Variants in HLCS observed in about 807,000 individuals in gnomAD.
The protein encoded by HLCS is biotin--protein ligase.
In HLCS, 53 loss-of-function variants were observed where a neutral mutation model predicts 75.0. The observed-to-expected ratio is 0.71, with a 90% CI of 0.57 to 0.89. The LOEUF (loss-of-function observed/expected upper bound fraction) is 0.89, where lower values mean the gene tolerates loss of function less well. Ranked by LOEUF, HLCS falls within the 40% of genes least tolerant of loss-of-function variation. The pLI, the probability that HLCS is intolerant of heterozygous loss-of-function variation, is 0.00. For missense variants in HLCS, 966 were observed against 1,074.0 expected (o/e 0.90, Z 1.41); for synonymous variants, 431 against 428.6 (o/e 1.01, Z -0.07).
intron 2 of HLCS, among the ~76,000 whole-genome samples, chr21:36,945,332 C>T (rs1330824307): frequency 6.6e-6 from 1 of 151,770 alleles, no homozygotes; most frequent in Non-Finnish European, 1.5e-5. Flanking sequence ...AAAAAATATG[C>T]CCACATATAA....
chr21:36,917,355 C>T (rs1311784117), intron 5 of HLCS, among the ~76,000 whole-genome samples: 1 of 152,176 alleles, frequency 6.6e-6, no homozygotes, highest in African/African-American at 2.4e-5. Flanking sequence ...AAGAACACCT[C>T]CCTGAAAAAC....
At chr21:36,856,855 A>G (rs931523059) in intron 6 of HLCS, among the ~76,000 whole-genome samples, 9 of 152,248 alleles carry the variant, frequency 5.9e-5, no homozygotes, top group African/African-American at 2.2e-4. Context: ...AAAGGAACTA[A>G]GATTTACTAG....
chr21:36,953,283 A>C (rs2067758760), intron 2 of HLCS, among the ~76,000 whole-genome samples: 2 of 152,182 alleles, frequency 1.3e-5, no homozygotes, highest in Admixed American at 1.3e-4. Flanking sequence ...TTAAAGAGGA[A>C]ACTGGTTGTC....
chr21:36,923,575 A>T (rs547076050), intron 5 of HLCS, among the ~76,000 whole-genome samples: 2 of 152,260 alleles, frequency 1.3e-5, no homozygotes, highest in African/African-American at 4.8e-5. Flanking sequence ...AAAACAACAA[A>T]AGCGTTTGTG....
chr21:36,983,298 C>A (rs146577310), intron 1 of HLCS, among the ~76,000 whole-genome samples: 218 of 151,948 alleles, frequency 1.4e-3, no homozygotes, highest in African/African-American at 5.1e-3. Context: ...GCAACCCCCG[C>A]CTCCTGGGTT....
chr21:36,770,994 C>T (rs1286375368), intron 6 of HLCS, among the ~76,000 whole-genome samples: 1 of 151,932 alleles, frequency 6.6e-6, no homozygotes. Flanking sequence ...CCGAGGCAGG[C>T]GGATCACGAG....
At chr21:36,771,241 AATAAATAT>A (rs1209300765) in intron 6 of HLCS, among the ~76,000 whole-genome samples, 1 of 151,802 alleles carries the variant, frequency 6.6e-6, no homozygotes, top group Non-Finnish European at 1.5e-5. Context: ...TAAATAAATA[AATAAATAT>A]AAAATAAAAT....
At chr21:36,989,573 C>T (rs1009704236) in intron 1 of HLCS, among the ~76,000 whole-genome samples, 1 of 152,152 alleles carries the variant, frequency 6.6e-6, no homozygotes, top group Non-Finnish European at 1.5e-5. Flanking sequence ...AAGTGATCTG[C>T]CTGCCTCGGC....
intron 5 of HLCS, among the ~76,000 whole-genome samples, chr21:36,927,147 C>T (rs577537296): frequency 3.9e-5 from 6 of 152,184 alleles, no homozygotes; most frequent in Non-Finnish European, 7.3e-5. Flanking sequence ...AATTTCAATC[C>T]TGCTCCTGGG....
chr21:36,960,137 C>G (rs1260239031), intron 2 of HLCS, among the ~76,000 whole-genome samples: 3 of 112,564 alleles, frequency 2.7e-5, no homozygotes, highest in African/African-American at 6.8e-5. Context: ...ACCCACCCCC[C>G]CCCCCCCCGA....
At position 36,918,303 on chromosome 21, in the gene HLCS, G is replaced by T. The variant is rs186679118; in HGVS notation, c.1620+11948C>A. On this transcript the variant is annotated intron_variant, in intron 5 of 10. Transcript: ENST00000674895. ...AAATTAAATATTCAGGATTGTAGGT[G>T]AGGCCTGATTTCTAGTGCCACAGAT... is the stretch of plus-strand genomic sequence containing the variant. Among the ~76,000 whole-genome samples, 204 of 152,324 alleles carry T rather than the reference G, an allele frequency of 1.3e-3. 1 individual carries two copies. Among genetic ancestry groups the T allele is most frequent in the Non-Finnish European group, 2.4e-3 (160 of 68,026 alleles).
chr21:36,907,122 T>G (rs1249487648), intron 5 of HLCS, among the ~76,000 whole-genome samples: 1 of 152,186 alleles, frequency 6.6e-6, no homozygotes, highest in East Asian at 1.9e-4. Context: ...AACATTCATA[T>G]GCAAGAATAT....
intron 6 of HLCS, among the ~76,000 whole-genome samples, chr21:36,768,388 C>A (rs2090118060): frequency 6.6e-6 from 1 of 152,220 alleles, no homozygotes; most frequent in South Asian, 2.1e-4. Flanking sequence ...TTATCATCCT[C>A]CCCTCCCAGC....
At chr21:36,826,070 C>T (rs1395234362) in intron 6 of HLCS, among the ~76,000 whole-genome samples, 3 of 152,058 alleles carry the variant, frequency 2.0e-5, no homozygotes, top group African/African-American at 4.8e-5. Flanking sequence ...ATCCCACCAA[C>T]TTCACTCTGT....
intron 5 of HLCS, among the ~76,000 whole-genome samples, chr21:36,910,827 G>T (rs909850401): frequency 9.9e-5 from 15 of 152,146 alleles, no homozygotes; most frequent in Non-Finnish European, 2.1e-4. Flanking sequence ...GTTCCACGCT[G>T]CACGGCACTG....
At chr21:36,987,455 A>C (rs2146752028) in intron 1 of HLCS, among the ~76,000 whole-genome samples, 1 of 152,218 alleles carries the variant, frequency 6.6e-6, no homozygotes, top group African/African-American at 2.4e-5. Context: ...TCTACTAAAA[A>C]TACAAAAATT....
chr21:36,761,620 C>T (rs531842525), intron 8 of HLCS, among the ~76,000 whole-genome samples: 7 of 152,174 alleles, frequency 4.6e-5, no homozygotes, highest in South Asian at 2.1e-4. Flanking sequence ...GAGTAGAGGC[C>T]GCAATGCTGA....
intron 1 of HLCS, among the ~76,000 whole-genome samples, chr21:36,982,385 C>T (rs1234860102): frequency 6.6e-6 from 1 of 152,210 alleles, no homozygotes; most frequent in Non-Finnish European, 1.5e-5. Context: ...GGCATACGTC[C>T]AGCAAGCTAA....
chr21:36,912,650 A>C (rs551001534), intron 5 of HLCS, among the ~76,000 whole-genome samples: 1 of 152,276 alleles, frequency 6.6e-6, no homozygotes, highest in Non-Finnish European at 1.5e-5. Flanking sequence ...CAGTAAACTT[A>C]TTTTATATAT....
Sources: allele counts gnomAD v4.1 joint callset (sites outside exome capture counted in the v4.1 genomes callset), GRCh38; gene constraint gnomAD v4.1.1; transcripts MANE v1.5; gene names NCBI Gene and HGNC (gene_info 2026-07-23, HGNC 2026-07-21).